The following ERICH3 variants were observed in gnomAD, a reference collection of about 807,000 sequenced individuals.
ERICH3 encodes the protein glutamate-rich protein 3.
In ERICH3, 126 loss-of-function variants were observed where a neutral mutation model predicts 131.1. The ratio of observed to expected loss-of-function variants is 0.96; its 90% CI spans 0.83 to 1.11. ERICH3 has a LOEUF of 1.11. Among genes scored for constraint, ERICH3 ranks in the 50% most tolerant of loss-of-function variants. The pLI is 0.00. For missense variants in ERICH3, 2,050 were observed against 1,810.7 expected, an observed-to-expected ratio of 1.13 and a Z score of -2.40; for synonymous variants, 695 against 644.6, an observed-to-expected ratio of 1.08 and a Z score of -1.18.
chr1:74,603,688 A>G (rs977020712), intron 10 of ERICH3, among the ~76,000 whole-genome samples: 1 of 151,928 alleles, frequency 6.6e-6, no homozygotes, highest in African/African-American at 2.4e-5. Flanking sequence ...TTCCCAGTGC[A>G]TCCAAAATTA....
rs765071299 is a variant in ERICH3, at chr1:74,571,604, T to C, written c.4106A>G (p.Lys1369Arg). The C allele has an allele frequency of 1.9e-6, 3 of 1,614,126 alleles. No homozygotes were observed. The African/African-American group carries it at 4.0e-5, about 22-fold the overall frequency. ...GGAGGAGGCTTTATTTGCTATTGTTTTCTCCTCGGCTGTCTCCGAACCTGC... is the reference window on the plus strand; with the variant it reads ...GGAGGAGGCTTTATTTGCTATTGTTCTCTCCTCGGCTGTCTCCGAACCTGC... ...VLAGSETAEE[K>R]TIANKASSFS... is the part of the protein sequence containing the mutation. Residue 1369 changes from lysine to arginine, a missense_variant, in exon 14 of 15, where the codon AAA (lysine) becomes AGA (arginine). Physicochemically the swap from Lys to Arg is conservative, Grantham distance 26. Coordinates refer to ENST00000326665, the MANE Select transcript of ERICH3 (RefSeq NM_001002912.5).
Position 74,589,978 on chromosome 1 carries a change from C to A in ERICH3, c.1829G>T (p.Ser610Ile). The A allele has an allele frequency of 6.2e-7, 1 of 1,613,988 alleles. No homozygotes were observed. Among genetic ancestry groups the A allele is most frequent in the Non-Finnish European group, 8.5e-7 (1 of 1,179,934 alleles). The change falls in exon 12 of 15, where the codon AGC becomes ATC. Residue 610 changes from serine to isoleucine, a missense_variant. Ser to Ile is a moderately radical substitution (Grantham distance 142). Transcript: ENST00000326665. The stretch of plus-strand genomic sequence containing the variant: ...TGACCTTCTGGCACTTTCATCTGTG[C>A]TGCTGTCAGTGTGGGCTTCCCTGTC... ...VGDREAHTDS[S>I]TDESARRSSS...
At chr1:74,614,501 C>T (rs1232282768) in intron 8 of ERICH3, among the ~76,000 whole-genome samples, 1 of 151,448 alleles carries the variant, frequency 6.6e-6, no homozygotes, top group Non-Finnish European at 1.5e-5. Flanking sequence ...ACGGTGAAAC[C>T]CCGTCTCTAC....
intron 6 of ERICH3, chr1:74,634,670 C>T: frequency 1.4e-6 from 1 of 714,662 alleles, no homozygotes; most frequent in Non-Finnish European, 2.6e-6. Flanking sequence ...ATCACCTTGG[C>T]AAGCATGGAA....
chr1:74,626,705 T>C (rs1435696127), intron 7 of ERICH3, among the ~76,000 whole-genome samples: 5 of 152,112 alleles, frequency 3.3e-5, no homozygotes, highest in African/African-American at 9.7e-5. Context: ...AGTTAAACCT[T>C]AGTGCAAAAT....
chr1:74,632,410 T>C (rs868457421), intron 6 of ERICH3, among the ~76,000 whole-genome samples: 3 of 152,042 alleles, frequency 2.0e-5, no homozygotes, highest in African/African-American at 7.2e-5. Flanking sequence ...TTAGAGTAAA[T>C]TATTACATTT....
intron 9 of ERICH3, among the ~76,000 whole-genome samples, chr1:74,609,651 C>A (rs1359481099): frequency 1.3e-5 from 2 of 152,106 alleles, no homozygotes; most frequent in Admixed American, 1.3e-4. Context: ...TTTTACCTGA[C>A]CTGCAACAGG....
In ERICH3 at chr1:74,620,762, A is replaced by G. The variant is rs373120432; in HGVS notation, c.972T>C (p.Cys324=). 3.1e-6 allele frequency: 5 copies of G among 1,609,484 alleles called. No individual in the cohort carries two copies. Among genetic ancestry groups the G allele is most frequent in the Non-Finnish European group, 4.2e-6 (5 of 1,178,684 alleles). Reference sequence around the variant, plus strand: ...TTTCAAGTAGTTTGCCTTTGTAGACACAAAGGTTTTCCCCACCACAGTGCT... The same window carrying G: ...TTTCAAGTAGTTTGCCTTTGTAGACGCAAAGGTTTTCCCCACCACAGTGCT... ...YQQHCGGENL[C]VYKGKLLEKE... is the part of the protein sequence containing the mutation. The change falls in exon 8 of 15, where the codon TGT becomes TGC. Residue 324 remains cysteine, a synonymous_variant. Coordinates refer to ENST00000326665, the MANE Select transcript of ERICH3 (RefSeq NM_001002912.5).
chr1:74,586,681 AG>A (rs949847409), intron 12 of ERICH3, among the ~76,000 whole-genome samples: 1 of 152,166 alleles, frequency 6.6e-6, no homozygotes, highest in African/African-American at 2.4e-5. Context: ...AGTGAAAGTA[AG>A]AAAAAATATA....
chr1:74,612,763 A>AC lies in ERICH3; in HGVS notation c.1046dup (p.Ser349ArgfsTer19). 2 of 1,598,608 alleles carry AC rather than the reference A, an allele frequency of 1.3e-6. No individual in the cohort carries two copies. The highest frequency in any genetic ancestry group is 1.7e-6 in the Non-Finnish European group (2 of 1,167,782). ...GCATCCCATTCAGGAAAAAGGTGAG[A>AC]CTGAAGGGGAAACCATGATGCCTTT... On this transcript the variant is annotated frameshift_variant, in exon 9 of 15. Coordinates refer to ENST00000326665, the MANE Select transcript of ERICH3 (RefSeq NM_001002912.5). LOFTEE classifies it high-confidence loss of function.
chr1:74,616,267 G>T (rs566599169), intron 8 of ERICH3, among the ~76,000 whole-genome samples: 1 of 152,020 alleles, frequency 6.6e-6, no homozygotes, highest in South Asian at 2.1e-4. Flanking sequence ...CAGTCTGCCC[G>T]TCTTGGCCTC....
At chr1:74,590,902 C>A (rs1023770649) in intron 11 of ERICH3, among the ~76,000 whole-genome samples, 1 of 152,020 alleles carries the variant, frequency 6.6e-6, no homozygotes, top group Non-Finnish European at 1.5e-5. Context: ...TTATTGAAAA[C>A]GCTTTATAAA....
Position 74,589,983 on chromosome 1 carries a change from G to T in ERICH3, c.1824C>A (p.Asp608Glu), listed in dbSNP as rs779223495. ...TTCTGGCACTTTCATCTGTGCTGCT[G>T]TCAGTGTGGGCTTCCCTGTCCCCCA... ...SAVGDREAHTDSSTDESARRS... is the reference protein window; with the variant it reads ...SAVGDREAHTESSTDESARRS... Residue 608 changes from aspartate to glutamate, a missense_variant, in exon 12 of 15, where the codon GAC (aspartate) becomes GAA (glutamate). Coordinates refer to ENST00000326665, the MANE Select transcript of ERICH3 (RefSeq NM_001002912.5). The T allele has an allele frequency of 2.5e-6, 4 of 1,613,992 alleles. No homozygotes were observed. The highest frequency in any genetic ancestry group is 2.5e-6 in the Non-Finnish European group (3 of 1,179,926).
intron 11 of ERICH3, among the ~76,000 whole-genome samples, chr1:74,596,776 G>A (rs967375218): frequency 1.1e-4 from 16 of 152,024 alleles, no homozygotes; most frequent in African/African-American, 3.4e-4. Context: ...GGAAGCTGTC[G>A]TTCTTTTTAA....
chr1:74,652,022 A>G (rs1426963773), intron 1 of ERICH3, among the ~76,000 whole-genome samples: 2 of 152,092 alleles, frequency 1.3e-5, no homozygotes, highest in African/African-American at 2.4e-5. Context: ...ATCTTTTCCT[A>G]TTTAGGAATA....
Position 74,571,979 on chromosome 1 carries a change from G to T in ERICH3, c.3731C>A (p.Ala1244Glu), listed in dbSNP as rs1646957776. 1 of 1,613,874 alleles carries T rather than the reference G, an allele frequency of 6.2e-7. No homozygotes were observed. The highest frequency in any genetic ancestry group is 1.3e-5 in the African/African-American group (1 of 74,938). The change falls in exon 14 of 15, where the codon GCA becomes GAA. Residue 1244 changes from alanine (A) to glutamate (E), a missense_variant. Transcript: ENST00000326665. ...IPATGQAEELAAKDHDSCAGL... is the reference protein window; with the variant it reads ...IPATGQAEELEAKDHDSCAGL... ...TGCGCAGGAGTCGTGATCTTTGGCTGCTAGCTCCTCTGCCTGGCCTGTGGC... is the reference window on the plus strand; with the variant it reads ...TGCGCAGGAGTCGTGATCTTTGGCTTCTAGCTCCTCTGCCTGGCCTGTGGC...
chr1:74,593,007 T>A (rs1264995250), intron 11 of ERICH3, among the ~76,000 whole-genome samples: 3 of 152,178 alleles, frequency 2.0e-5, no homozygotes, highest in Non-Finnish European at 4.4e-5. Context: ...GGAAAAATTA[T>A]CTTGGAAGCA....
chr1:74,637,431 C>T (rs1646399485), intron 5 of ERICH3, among the ~76,000 whole-genome samples: 1 of 152,100 alleles, frequency 6.6e-6, no homozygotes, highest in Admixed American at 6.5e-5. Context: ...TTCCTTAGCC[C>T]TGCCTACTTC....
chr1:74,594,648 A>T (rs1205249965), intron 11 of ERICH3, among the ~76,000 whole-genome samples: 2 of 152,072 alleles, frequency 1.3e-5, no homozygotes, highest in African/African-American at 4.8e-5. Flanking sequence ...AGGGAAATAG[A>T]TCCACTGTAC....
Sources: allele counts gnomAD v4.1 joint callset (sites outside exome capture counted in the v4.1 genomes callset), GRCh38; gene constraint gnomAD v4.1.1; transcripts MANE v1.5; gene names NCBI Gene and HGNC (gene_info 2026-07-23, HGNC 2026-07-21).